Variants in TJAP1 observed in about 807,000 individuals in gnomAD.
TJAP1 encodes the protein tight junction-associated protein 1.
TJAP1 carries 27 observed loss-of-function variants against 42.0 expected under a neutral mutation model. The ratio of observed to expected loss-of-function variants is 0.64; its 90% CI spans 0.47 to 0.89. The LOEUF is 0.89. TJAP1 is among the 40% of genes least tolerant of loss of function. TJAP1 has a pLI of 0.00. For missense variants in TJAP1, 712 were observed against 726.9 expected (o/e 0.98, Z 0.24); for synonymous variants, 257 against 288.4 (o/e 0.89, Z 1.10).
At chr6:43,499,056 C>T (rs773748552) in exon 4 of TJAP1, 7 of 1,614,008 alleles carry the variant, frequency 4.3e-6, no homozygotes, top group Non-Finnish European at 4.2e-6. Context: ...ACCAGAGCAT[C>T]GGGAGCTGCG....
In TJAP1 at chr6:43,484,807, C is replaced by T. The variant is rs186419258; in HGVS notation, c.-122+6575C>T. ...GTGGCACGATCTCAGCTCACTGCAA[C>T]CTCCACCTCCCGGGTTCAGGCAATT... On this transcript the variant is annotated intron_variant, in intron 2 of 10. Transcript: ENST00000372449. Among the ~76,000 whole-genome samples the T allele has an allele frequency of 6.6e-5, 10 of 152,322 alleles. No individual in the cohort carries two copies. In the East Asian group the frequency reaches 1.9e-3, roughly 29 times the overall value.
At chr6:43,501,475 C>G in intron 5 of TJAP1, 51 bp from the exon 6 acceptor site, 1 of 1,532,152 alleles carries the variant, frequency 6.5e-7, no homozygotes, top group Non-Finnish European at 8.9e-7. Flanking sequence ...CCAGGGCATG[C>G]CCTTCTATCT....
chr6:43,481,499 A>G (rs1195950967), intron 2 of TJAP1, among the ~76,000 whole-genome samples: 1 of 143,818 alleles, frequency 7.0e-6, no homozygotes, highest in African/African-American at 2.5e-5. Context: ...CCCCAAAAAA[A>G]AACTTAACAG....
At chr6:43,486,796 C>T (rs1433942608) in intron 2 of TJAP1, among the ~76,000 whole-genome samples, 1 of 152,164 alleles carries the variant, frequency 6.6e-6, no homozygotes, top group African/African-American at 2.4e-5. Context: ...CTAGTCCCAT[C>T]TAGGCGTACT....
At chr6:43,498,888 A>T in intron 3 of TJAP1, 90 bp from the exon 4 acceptor site, 1 of 1,413,652 alleles carries the variant, frequency 7.1e-7, no homozygotes, top group Admixed American at 2.0e-5. Context: ...TGGCCTCAAC[A>T]TATGTCCCCT....
At position 43,504,115 on chromosome 6, in the gene TJAP1, C is replaced by CTT. The variant is rs869310556; in HGVS notation, c.579+425_579+426dup. On this transcript the variant is annotated intron_variant, in intron 10 of 10. Transcript: ENST00000372449. ...AGAAGTAGAAGAAGTAGAGGTATTT[C>CTT]TTTTTTTTTTTTTTTTTGAGACGGA... 5.7e-3 allele frequency: 1,461 copies of CTT among 257,274 alleles called. 7 individuals are homozygous for CTT. The highest frequency in any genetic ancestry group is 0.017 in the African/African-American group (716 of 41,742). 15.9% of individuals were successfully genotyped at this position (257,274 alleles called of 1,614,324 possible). A position where few individuals can be genotyped will look rare whatever the true frequency, so the allele number is the denominator to read the frequency against.
At position 43,500,788 on chromosome 6, in the gene TJAP1, C is replaced by T; in HGVS notation, c.128+16C>T. ...AAAGGATGAAGTGAGTATCTGCTAC[C>T]TGAGATACTGCCCTGCCTCAACTCT... On this transcript the variant is annotated intron_variant, in intron 5 of 10. Transcript: ENST00000372449. 6.2e-7 allele frequency: 1 copy of T among 1,613,694 alleles called. No homozygotes were observed. The highest frequency in any genetic ancestry group is 8.5e-7 in the Non-Finnish European group (1 of 1,179,608).
intron 10 of TJAP1, 167 bp downstream of exon 10, chr6:43,503,873 C>G (rs975586434): frequency 2.7e-6 from 2 of 727,702 alleles, no homozygotes; most frequent in Non-Finnish European, 5.1e-6. Flanking sequence ...GGTTGGTGTC[C>G]CGTGTACTGT....
chr6:43,496,008 A>G (rs762529007), intron 2 of TJAP1, among the ~76,000 whole-genome samples: 5 of 152,104 alleles, frequency 3.3e-5, no homozygotes, highest in Non-Finnish European at 5.9e-5. Context: ...AATAGGGACA[A>G]GGGAGTACAG....
At position 43,505,493 on chromosome 6, in the gene TJAP1, G is replaced by A; in HGVS notation, c.1312G>A (p.Ala438Thr). Residue 438 changes from alanine (A) to threonine (T), a missense_variant, in exon 11 of 11, where the codon GCC (alanine) becomes ACC (threonine). Physicochemically the swap from Ala to Thr is moderately conservative, Grantham distance 58 (BLOSUM62 0). Coordinates refer to ENST00000372449, the Ensembl canonical transcript of TJAP1. The surrounding 1 kb of genome is among the most constrained non-coding windows in gnomAD (Gnocchi z 5.5). ...CCAGCGCACAGCCTTTGGACGCGAT[G>A]CCCTCCCTGAGCTGCAGCGCCATTT... is the stretch of plus-strand genomic sequence containing the variant. 1 of 1,613,764 alleles carries A rather than the reference G, an allele frequency of 6.2e-7. No homozygotes were observed. Among genetic ancestry groups the A allele is most frequent in the Non-Finnish European group, 8.5e-7 (1 of 1,180,028 alleles).
chr6:43,503,883 T>G (rs1422656248), intron 10 of TJAP1, 177 bp downstream of exon 10: 1 of 720,940 alleles, frequency 1.4e-6, no homozygotes, highest in Admixed American at 2.0e-5. Context: ...CCGTGTACTG[T>G]CCAGGGCCCA....
chr6:43,503,414 A>G, exon 9 of TJAP1: 1 of 1,613,740 alleles, frequency 6.2e-7, no homozygotes, highest in Non-Finnish European at 8.5e-7. Context: ...AAGAAGGCTG[A>G]GATGGATAGG....
chr6:43,501,200 C>T (rs960289621), intron 5 of TJAP1: 4 of 376,818 alleles, frequency 1.1e-5, no homozygotes, highest in Non-Finnish European at 1.9e-5. Flanking sequence ...TGGTGGCCAG[C>T]TGACATGGGC....
chr6:43,502,522 ACT>A, intron 7 of TJAP1, 64 bp from the exon 8 acceptor site: 3 of 1,541,424 alleles, frequency 1.9e-6, no homozygotes, highest in Non-Finnish European at 2.6e-6. Context: ...TAATGCTCAC[ACT>A]GTTTCTCTTC....
chr6:43,490,221 TCACGGC>T (rs1787501603), intron 2 of TJAP1, among the ~76,000 whole-genome samples: 1 of 152,246 alleles, frequency 6.6e-6, no homozygotes, highest in Non-Finnish European at 1.5e-5. Context: ...TGTGCCCCCT[TCACGGC>T]CACCTGCCCA....
chr6:43,502,409 G>A, intron 7 of TJAP1, 60 bp downstream of exon 7: 7 of 1,582,116 alleles, frequency 4.4e-6, no homozygotes, highest in Non-Finnish European at 6.0e-6. Context: ...CAGGGGGCCA[G>A]GATTTGCCAG....
chr6:43,503,741 A>G (rs762938918), intron 10 of TJAP1, 35 bp downstream of exon 10: 29 of 1,588,504 alleles, frequency 1.8e-5, no homozygotes, highest in African/African-American at 2.7e-5. Flanking sequence ...GCCCACATAG[A>G]CCATTCCGGC....
intron 2 of TJAP1, among the ~76,000 whole-genome samples, chr6:43,490,681 C>T (rs979288507): frequency 6.6e-6 from 1 of 152,230 alleles, no homozygotes; most frequent in African/African-American, 2.4e-5. Flanking sequence ...TGAGATGTCA[C>T]TCCCATTGGT....
At chr6:43,478,955 C>T (rs550271276) in intron 2 of TJAP1, among the ~76,000 whole-genome samples, 1 of 152,218 alleles carries the variant, frequency 6.6e-6, no homozygotes, top group Non-Finnish European at 1.5e-5. Context: ...AAGAAAGGAT[C>T]ATGGAACTTG....
Sources: gnomAD v4.1 joint callset for allele counts (sites outside exome capture counted in the v4.1 genomes callset) on GRCh38, gnomAD v4.1.1 for gene constraint, Gnocchi (gnomAD v3.1) non-coding constraint, MANE v1.5 for transcripts, NCBI Gene and HGNC (gene_info 2026-07-23, HGNC 2026-07-21) for gene names.